ATP2B1: variants seen among roughly 807,000 people sequenced by gnomAD.
ATP2B1 encodes the protein ATPase plasma membrane Ca2+ transporting 1.
Under a neutral mutation model 124.2 loss-of-function variants are expected in ATP2B1, and 14 were observed. The ratio of observed to expected loss-of-function variants is 0.11; its 90% CI spans 0.07 to 0.18. ATP2B1 has a LOEUF of 0.18. ATP2B1 is among the 10% of genes least tolerant of loss of function. ATP2B1 has a pLI of 1.00. For synonymous variants in ATP2B1, 449 were observed against 492.4 expected (o/e 0.91, Z 1.17); for missense variants, 763 against 1,466.1 (o/e 0.52, Z 7.83).
intron 1 of ATP2B1, among the ~76,000 whole-genome samples, chr12:89,662,749 C>T (rs768024715): frequency 6.6e-6 from 1 of 152,046 alleles, no homozygotes; most frequent in Non-Finnish European, 1.5e-5. Flanking sequence ...ATCCCTGTGT[C>T]TGTGTTGACT....
chr12:89,591,873 A>C (rs893735749), intron 20 of ATP2B1, among the ~76,000 whole-genome samples: 1 of 152,074 alleles, frequency 6.6e-6, no homozygotes, highest in Non-Finnish European at 1.5e-5. Context: ...AAATGCCATT[A>C]AACAGCTATA....
At chr12:89,647,896 C>T (rs1448670433) in intron 2 of ATP2B1, among the ~76,000 whole-genome samples, 6 of 152,084 alleles carry the variant, frequency 3.9e-5, no homozygotes, top group Non-Finnish European at 7.4e-5. Flanking sequence ...CCTTCTCTCA[C>T]TCTCACTCTC....
intron 19 of ATP2B1, among the ~76,000 whole-genome samples, chr12:89,600,648 ATTT>A (rs397850977): frequency 2.9e-5 from 4 of 139,940 alleles, no homozygotes; most frequent in African/African-American, 2.6e-5. Flanking sequence ...ATGACAATGT[ATTT>A]TTTTTTTTTT....
intron 19 of ATP2B1, among the ~76,000 whole-genome samples, chr12:89,600,645 T>G (rs570192988): frequency 1.3e-5 from 2 of 149,696 alleles, no homozygotes. Flanking sequence ...AAAATGACAA[T>G]GTATTTTTTT....
intron 1 of ATP2B1, among the ~76,000 whole-genome samples, chr12:89,677,961 TATATATATATACAC>T (rs1168352236): frequency 4.3e-4 from 11 of 25,840 alleles, no homozygotes; most frequent in South Asian, 1.2e-3. Flanking sequence ...GAATTATATA[TATATATATATACAC>T]ACACACACAC....
At chr12:89,641,985 A>AT in intron 3 of ATP2B1, 173 bp downstream of exon 3, 1 of 651,960 alleles carries the variant, frequency 1.5e-6, no homozygotes. Context: ...ACACAATCTA[A>AT]TTCATAGGGT....
intron 13 of ATP2B1, among the ~76,000 whole-genome samples, chr12:89,610,978 A>G (rs888827074): frequency 6.6e-6 from 1 of 152,102 alleles, no homozygotes; most frequent in Non-Finnish European, 1.5e-5. Flanking sequence ...TTTATATAGC[A>G]TTCATAGCAA....
intron 1 of ATP2B1, among the ~76,000 whole-genome samples, chr12:89,675,795 T>C (rs993300096): frequency 2.0e-5 from 3 of 152,108 alleles, no homozygotes; most frequent in African/African-American, 7.2e-5. Context: ...ATAATTCCAG[T>C]GATAGGTGTT....
rs953700567 is a variant in ATP2B1, at chr12:89,637,997, C to A, written c.407-2746G>T. ...GACATATATCATTTCATATATAGTT[C>A]TACTCTACATCATACAGATAAGACC... On this transcript the variant is annotated intron_variant, in intron 3 of 20. Transcript: ENST00000428670. Among the ~76,000 whole-genome samples the A allele has an allele frequency of 3.3e-5, 5 of 151,978 alleles. No individual in the cohort carries two copies. In the East Asian group the frequency reaches 9.6e-4, roughly 29 times the overall value.
chr12:89,636,891 T>C (rs1882800786), intron 3 of ATP2B1, among the ~76,000 whole-genome samples: 1 of 152,202 alleles, frequency 6.6e-6, no homozygotes. Flanking sequence ...TTGTGTATAA[T>C]AACCAGTTAA....
chr12:89,613,848 GGCCAAGTACTTATACATAT>G (rs1878486148), intron 12 of ATP2B1, among the ~76,000 whole-genome samples: 1 of 152,114 alleles, frequency 6.6e-6, no homozygotes, highest in Admixed American at 6.5e-5. Flanking sequence ...ACTAAAGCAA[GGCCAAGTACTTATACATAT>G]GTAATAAAAA....
intron 1 of ATP2B1, among the ~76,000 whole-genome samples, chr12:89,671,096 G>A (rs991084889): frequency 1.3e-5 from 2 of 152,004 alleles, no homozygotes; most frequent in African/African-American, 4.8e-5. Flanking sequence ...CATTTTTGTG[G>A]ATGAAAACCA....
At chr12:89,606,154 T>TCTG (rs1257807593) in intron 15 of ATP2B1, among the ~76,000 whole-genome samples, 2 of 152,192 alleles carry the variant, frequency 1.3e-5, no homozygotes, top group African/African-American at 4.8e-5. Context: ...ATGATATAAC[T>TCTG]CTGCTGGCAG....
At chr12:89,682,234 G>C (rs953086437) in intron 1 of ATP2B1, among the ~76,000 whole-genome samples, 1 of 152,096 alleles carries the variant, frequency 6.6e-6, no homozygotes, top group Non-Finnish European at 1.5e-5. Flanking sequence ...TAACATGGTA[G>C]ACTTAAACAA....
rs1873422927 is a variant in ATP2B1, at chr12:89,590,859, A to G, written c.*125T>C. ...TTTAAAAAAATAAATCTACATTCGT[A>G]CAAGTGTGTCTTCTGTTGAAGTCCA... On this transcript the variant is annotated 3_prime_UTR_variant, in exon 21 of 21. Transcript: ENST00000428670. 2 of 962,906 alleles carry G rather than the reference A, an allele frequency of 2.1e-6. No individual in the cohort carries two copies. The highest frequency in any genetic ancestry group is 3.7e-5 in the South Asian group (2 of 53,930). The allele number at this position is 962,906 out of a possible 1,614,324, so 59.6% of individuals were successfully genotyped here. A position where few individuals can be genotyped will look rare whatever the true frequency, so the allele number is the denominator to read the frequency against.
chr12:89,683,350 G>A (rs1889586090), intron 1 of ATP2B1, among the ~76,000 whole-genome samples: 2 of 152,194 alleles, frequency 1.3e-5, no homozygotes, highest in Non-Finnish European at 2.9e-5. Flanking sequence ...GAATATCACA[G>A]AAGCAACATT....
chr12:89,651,348 GGCGATCCTCCCACACTCAA>G lies in ATP2B1; in HGVS notation c.208+4312_208+4330del, dbSNP rs369874967. Among the ~76,000 whole-genome samples, 640 of 152,100 alleles carry G rather than the reference GGCGATCCTCCCACACTCAA, an allele frequency of 4.2e-3. 2 individuals are homozygous for G. The highest frequency in any genetic ancestry group is 0.03 in the East Asian group (155 of 5,170). ...ATGGATCACTGCCAGCCTTGACTCA[GGCGATCCTCCCACACTCAA>G]GCGATCCTCCCACACTCAAGCGATC... On this transcript the variant is annotated intron_variant, in intron 2 of 20. Transcript: ENST00000428670.
At chr12:89,653,770 C>T (rs1292635783) in intron 2 of ATP2B1, among the ~76,000 whole-genome samples, 11 of 152,148 alleles carry the variant, frequency 7.2e-5, no homozygotes, top group Non-Finnish European at 1.6e-4. Flanking sequence ...AAAGGCACCG[C>T]TCCAAATAAT....
chr12:89,677,783 A>G (rs575348940), intron 1 of ATP2B1, among the ~76,000 whole-genome samples: 3 of 152,024 alleles, frequency 2.0e-5, no homozygotes, highest in Non-Finnish European at 4.4e-5. Context: ...CAATTAAATT[A>G]TATGTTCATC....
Sources: allele counts gnomAD v4.1 joint callset (sites outside exome capture counted in the v4.1 genomes callset), GRCh38; gene constraint gnomAD v4.1.1; transcripts MANE v1.5; gene names NCBI Gene and HGNC (gene_info 2026-07-23, HGNC 2026-07-21).